Variants in CNTNAP2 observed in about 807,000 individuals in gnomAD.
The protein encoded by CNTNAP2 is contactin associated protein 2.
Under a neutral mutation model 155.2 loss-of-function variants are expected in CNTNAP2, and 98 were observed. The observed-to-expected ratio is 0.63, with a 90% CI of 0.54 to 0.75. The LOEUF (loss-of-function observed/expected upper bound fraction) is 0.75. Among genes scored for constraint, CNTNAP2 ranks in the 30% least tolerant of loss-of-function variants. The pLI is 0.00. For synonymous variants in CNTNAP2, 651 were observed against 631.2 expected, an observed-to-expected ratio of 1.03 and a Z score of -0.47; for missense variants, 1,727 against 1,688.1, an observed-to-expected ratio of 1.02 and a Z score of -0.40.
intron 1 of CNTNAP2, among the ~76,000 whole-genome samples, chr7:146,565,114 G>A (rs1798337421): frequency 6.6e-6 from 1 of 151,680 alleles, no homozygotes; most frequent in African/African-American, 2.4e-5. Context: ...AAATACTAGA[G>A]TTAGACATTT....
In CNTNAP2 at chr7:148,319,003, C is replaced by A. The variant is rs115473797; in HGVS notation, c.3475+51877C>A. On this transcript the variant is annotated intron_variant, in intron 21 of 23. Transcript: ENST00000361727. Reference sequence around the variant, plus strand: ...ACAACCTCTTCTCCTGAAAGTTTAACAACTTCCCCATGAAGCACTGCTTTT... The same window carrying A: ...ACAACCTCTTCTCCTGAAAGTTTAAAAACTTCCCCATGAAGCACTGCTTTT... Among the ~76,000 whole-genome samples the A allele has an allele frequency of 7.5e-3, 1,143 of 152,340 alleles. 19 individuals carry two copies. The highest frequency in any genetic ancestry group is 0.026 in the African/African-American group (1,076 of 41,564).
At chr7:147,041,346 T>C (rs917962369) in intron 3 of CNTNAP2, among the ~76,000 whole-genome samples, 4 of 152,178 alleles carry the variant, frequency 2.6e-5, no homozygotes, top group Non-Finnish European at 5.9e-5. Flanking sequence ...CAAATCTTTT[T>C]GTGAGAGACA....
At chr7:148,387,713 A>ACTTTAAAACTACCTGGGGAG (rs1217798889) in intron 22 of CNTNAP2, among the ~76,000 whole-genome samples, 2 of 152,264 alleles carry the variant, frequency 1.3e-5, no homozygotes, top group East Asian at 3.9e-4. Flanking sequence ...TCTGGGAAGC[A>ACTTTAAAACTACCTGGGGAG]CTTTAAAACT....
chr7:146,203,211 A>C (rs897932849), intron 1 of CNTNAP2, among the ~76,000 whole-genome samples: 4 of 152,190 alleles, frequency 2.6e-5, no homozygotes, highest in Admixed American at 2.6e-4. Context: ...TTCTAACACT[A>C]TCCATCTGGA....
intron 3 of CNTNAP2, among the ~76,000 whole-genome samples, chr7:146,847,271 T>C (rs1238083548): frequency 2.6e-5 from 4 of 152,176 alleles, no homozygotes; most frequent in African/African-American, 4.8e-5. Context: ...TAGGGCACAG[T>C]AAATCATGCT....
chr7:147,083,889 CATGT>C (rs1315038112), intron 4 of CNTNAP2, among the ~76,000 whole-genome samples: 1 of 138,800 alleles, frequency 7.2e-6, no homozygotes, highest in East Asian at 2.1e-4. Flanking sequence ...TACATATACA[CATGT>C]ATGTATATAT....
At chr7:146,256,193 C>A (rs1432407081) in intron 1 of CNTNAP2, among the ~76,000 whole-genome samples, 1 of 152,122 alleles carries the variant, frequency 6.6e-6, no homozygotes, top group African/African-American at 2.4e-5. Flanking sequence ...CTTGGCAGGT[C>A]ATCACTACTT....
chr7:148,263,847 G>A (rs1796620156), intron 20 of CNTNAP2, among the ~76,000 whole-genome samples: 1 of 152,028 alleles, frequency 6.6e-6, no homozygotes. Context: ...CACTTATAGA[G>A]ATCAACTAGG....
chr7:146,239,292 T>G (rs1178788207), intron 1 of CNTNAP2, among the ~76,000 whole-genome samples: 3 of 152,130 alleles, frequency 2.0e-5, no homozygotes, highest in Non-Finnish European at 4.4e-5. Flanking sequence ...GTGATCTATT[T>G]TCAAGTCAAA....
chr7:147,964,341 C>T (rs1241519536), intron 14 of CNTNAP2, among the ~76,000 whole-genome samples: 1 of 152,136 alleles, frequency 6.6e-6, no homozygotes. Context: ...CAGACTAATC[C>T]AACAGTCTCG....
At chr7:147,933,275 A>T (rs551282196) in intron 14 of CNTNAP2, among the ~76,000 whole-genome samples, 3 of 152,286 alleles carry the variant, frequency 2.0e-5, no homozygotes, top group African/African-American at 4.8e-5. Flanking sequence ...TTCTCAAAAA[A>T]ATTAAAAGTA....
intron 3 of CNTNAP2, among the ~76,000 whole-genome samples, chr7:147,022,513 C>CT (rs1481423603): frequency 1.3e-5 from 2 of 151,350 alleles, no homozygotes; most frequent in Non-Finnish European, 1.5e-5. Context: ...TATATGTACT[C>CT]TATATACACA....
chr7:147,349,857 G>A (rs963652097), intron 9 of CNTNAP2, among the ~76,000 whole-genome samples: 1 of 151,788 alleles, frequency 6.6e-6, no homozygotes, highest in African/African-American at 2.4e-5. Flanking sequence ...GGAAGGAGTT[G>A]GTGGGTCAAG....
At chr7:146,585,316 T>C (rs7794165) in intron 1 of CNTNAP2, among the ~76,000 whole-genome samples, 53,310 of 151,440 alleles carry the variant, frequency 0.35, 11,187 homozygotes, top group South Asian at 0.51. Flanking sequence ...GAGACCAGGT[T>C]TCACCATGTT....
At chr7:147,430,408 T>A (rs1306324267) in intron 10 of CNTNAP2, among the ~76,000 whole-genome samples, 3 of 152,172 alleles carry the variant, frequency 2.0e-5, no homozygotes, top group African/African-American at 7.2e-5. Context: ...ATCTGTTCAG[T>A]GAAGATACTT....
chr7:146,621,509 A>G (rs1027300868), intron 1 of CNTNAP2, among the ~76,000 whole-genome samples: 1 of 152,140 alleles, frequency 6.6e-6, no homozygotes. Context: ...ACTTACTTAT[A>G]ATGACTTTGA....
At chr7:146,401,415 G>T (rs1795711867) in intron 1 of CNTNAP2, among the ~76,000 whole-genome samples, 1 of 151,990 alleles carries the variant, frequency 6.6e-6, no homozygotes. Context: ...AGGCAGCTAG[G>T]GCAGGTCAAT....
intron 15 of CNTNAP2, among the ~76,000 whole-genome samples, chr7:148,063,165 T>G (rs1803188355): frequency 6.6e-6 from 1 of 152,100 alleles, no homozygotes; most frequent in South Asian, 2.1e-4. Context: ...ATTTTAAAGG[T>G]GTGGTCCTAC....
intron 22 of CNTNAP2, among the ~76,000 whole-genome samples, chr7:148,404,306 G>A (rs1799651354): frequency 6.6e-6 from 1 of 152,258 alleles, no homozygotes; most frequent in African/African-American, 2.4e-5. Context: ...TTCCCATTGA[G>A]AAAAGGGACA....
Sources: gnomAD v4.1 joint callset for allele counts (sites outside exome capture counted in the v4.1 genomes callset) on GRCh38, gnomAD v4.1.1 for gene constraint, MANE v1.5 for transcripts, NCBI Gene and HGNC (gene_info 2026-07-23, HGNC 2026-07-21) for gene names.